The following ERBB4 variants were observed in gnomAD, a reference collection of about 807,000 sequenced individuals.
ERBB4 encodes erb-b2 receptor tyrosine kinase 4.
Under a neutral mutation model 158.0 loss-of-function variants are expected in ERBB4, and 42 were observed. The ratio of observed to expected loss-of-function variants is 0.27; its 90% CI spans 0.21 to 0.34. The LOEUF (loss-of-function observed/expected upper bound fraction) is 0.34, where lower values mean the gene tolerates loss of function less well. ERBB4 is among the 10% of genes least tolerant of loss of function. The probability of loss-of-function intolerance (pLI) is 1.00; values close to 1 mark genes in which losing one functional copy is unlikely to be tolerated. For missense variants in ERBB4, 1,333 were observed against 1,624.1 expected (o/e 0.82, Z 3.08); for synonymous variants, 583 against 558.7 (o/e 1.04, Z -0.61).
intron 3 of ERBB4, among the ~76,000 whole-genome samples, chr2:211,920,711 C>CTTTT (rs59291331): frequency 1.4e-5 from 2 of 141,748 alleles, no homozygotes; most frequent in African/African-American, 2.6e-5. Context: ...AGAGCTGTGA[C>CTTTT]TTTTTTTTTT....
At chr2:212,467,043 G>C (rs1188397611) in intron 1 of ERBB4, among the ~76,000 whole-genome samples, 1 of 152,180 alleles carries the variant, frequency 6.6e-6, no homozygotes, top group Non-Finnish European at 1.5e-5. Context: ...CTTTGAACTT[G>C]AGATAAATGA....
chr2:211,609,334 TA>T (rs2069103499), intron 19 of ERBB4, among the ~76,000 whole-genome samples: 1 of 152,098 alleles, frequency 6.6e-6, no homozygotes, highest in East Asian at 1.9e-4. Context: ...CCACACCCAG[TA>T]GGAAAGAATG....
chr2:212,026,981 C>A (rs2125339628), intron 2 of ERBB4, among the ~76,000 whole-genome samples: 1 of 151,864 alleles, frequency 6.6e-6, no homozygotes, highest in African/African-American at 2.4e-5. Context: ...TTGATACTAA[C>A]AATAATTAAT....
intron 1 of ERBB4, among the ~76,000 whole-genome samples, chr2:212,397,615 C>A (rs2091068808): frequency 6.6e-6 from 1 of 152,026 alleles, no homozygotes; most frequent in African/African-American, 2.4e-5. Context: ...TCCTCTCTTT[C>A]CTATATCTTA....
intron 1 of ERBB4, among the ~76,000 whole-genome samples, chr2:212,203,639 A>G (rs1157969021): frequency 1.3e-5 from 2 of 152,238 alleles, no homozygotes; most frequent in African/African-American, 2.4e-5. Context: ...CACCACATCA[A>G]TACTCATGAA....
chr2:212,159,237 A>C (rs949182668), intron 1 of ERBB4, among the ~76,000 whole-genome samples: 1 of 150,456 alleles, frequency 6.6e-6, no homozygotes, highest in Non-Finnish European at 1.5e-5. Flanking sequence ...TGCTGTTTTA[A>C]GGTAGTAAAC....
At chr2:211,552,905 T>G (rs1363136458) in intron 20 of ERBB4, among the ~76,000 whole-genome samples, 1 of 152,178 alleles carries the variant, frequency 6.6e-6, no homozygotes, top group Non-Finnish European at 1.5e-5. Context: ...TCTTAAGAAT[T>G]TCCCCTGAGC....
intron 3 of ERBB4, among the ~76,000 whole-genome samples, chr2:211,907,052 A>C (rs891963153): frequency 2.0e-5 from 3 of 151,898 alleles, no homozygotes; most frequent in African/African-American, 7.2e-5. Context: ...AATGTCTAAC[A>C]TAACAGAGTT....
chr2:211,607,671 C>A (rs367692416), intron 19 of ERBB4, among the ~76,000 whole-genome samples: 6 of 151,844 alleles, frequency 4.0e-5, no homozygotes, highest in African/African-American at 1.5e-4. Context: ...AAGCAACAGG[C>A]ACCAAAAAGA....
At chr2:211,449,785 T>A (rs913086408) in intron 20 of ERBB4, among the ~76,000 whole-genome samples, 1 of 152,182 alleles carries the variant, frequency 6.6e-6, no homozygotes, top group Non-Finnish European at 1.5e-5. Flanking sequence ...TAACTTGATT[T>A]CCATGTAAGT....
intron 1 of ERBB4, among the ~76,000 whole-genome samples, chr2:212,290,024 G>A (rs925928134): frequency 6.6e-6 from 1 of 152,012 alleles, no homozygotes; most frequent in Non-Finnish European, 1.5e-5. Context: ...TTAAGTTTAA[G>A]AGCCAATAAT....
chr2:211,596,794 C>A (rs2068646048), intron 19 of ERBB4, among the ~76,000 whole-genome samples: 1 of 150,822 alleles, frequency 6.6e-6, no homozygotes, highest in Non-Finnish European at 1.5e-5. Flanking sequence ...GATGGAGTTT[C>A]ACTCTTGTTG....
At chr2:211,739,578 C>T (rs1367089120) in intron 5 of ERBB4, among the ~76,000 whole-genome samples, 1 of 152,166 alleles carries the variant, frequency 6.6e-6, no homozygotes, top group African/African-American at 2.4e-5. Context: ...ATTCTCCTGC[C>T]TCAGTGTCCC....
At position 212,487,459 on chromosome 2, in the gene ERBB4, T is replaced by TA. The variant is rs576902835; in HGVS notation, c.82+50989dup. ...ACTTAAAATGGGGAGGTGCGACAAA[T>TA]AAAAAATTAAGTTTTAAAAGTTCTG... On this transcript the variant is annotated intron_variant, in intron 1 of 27. Coordinates refer to ENST00000342788, the MANE Select transcript of ERBB4 (RefSeq NM_005235.3). Among the ~76,000 whole-genome samples, 290 of 151,738 alleles carry TA rather than the reference T, an allele frequency of 1.9e-3. 3 individuals are homozygous for TA. Among genetic ancestry groups the TA allele is most frequent in the African/African-American group, 6.4e-3 (265 of 41,422 alleles).
At chr2:211,832,578 GTATA>G (rs917936783) in intron 3 of ERBB4, among the ~76,000 whole-genome samples, 1 of 136,408 alleles carries the variant, frequency 7.3e-6, no homozygotes, top group Non-Finnish European at 1.6e-5. Flanking sequence ...ATGTGTGTGT[GTATA>G]TATATATACA....
chr2:211,427,703 T>C (rs1027009015), intron 22 of ERBB4, among the ~76,000 whole-genome samples: 1 of 152,142 alleles, frequency 6.6e-6, no homozygotes, highest in Non-Finnish European at 1.5e-5. Context: ...AATTCTTACA[T>C]GCAAGAAACC....
chr2:211,482,098 T>C (rs1004981924), intron 20 of ERBB4, among the ~76,000 whole-genome samples: 4 of 151,798 alleles, frequency 2.6e-5, no homozygotes, highest in Admixed American at 2.6e-4. Context: ...GCAAGTGGAG[T>C]TCACAGGGCA....
chr2:211,678,966 CAAAAAA>C (rs71054127), intron 13 of ERBB4, 80 bp downstream of exon 13: 275 of 508,280 alleles, frequency 5.4e-4, no homozygotes, highest in Non-Finnish European at 6.7e-4. Flanking sequence ...GACTCCGTCT[CAAAAAA>C]AAAAAAAAAA....
chr2:211,435,762 C>T (rs1411959023), intron 20 of ERBB4, among the ~76,000 whole-genome samples: 1 of 152,166 alleles, frequency 6.6e-6, no homozygotes, highest in African/African-American at 2.4e-5. Flanking sequence ...CCTGCCGGGC[C>T]CCCACAAAAA....
Sources: gnomAD v4.1 joint callset for allele counts (sites outside exome capture counted in the v4.1 genomes callset) on GRCh38, gnomAD v4.1.1 for gene constraint, MANE v1.5 for transcripts, NCBI Gene and HGNC (gene_info 2026-07-23, HGNC 2026-07-21) for gene names.